ZCCHC7: variants seen among roughly 807,000 people sequenced by gnomAD.
The protein encoded by ZCCHC7 is zinc finger CCHC domain-containing protein 7.
Under a neutral mutation model 52.0 loss-of-function variants are expected in ZCCHC7, and 35 were observed. The ratio of observed to expected loss-of-function variants is 0.67; its 90% CI spans 0.51 to 0.89. ZCCHC7 has a LOEUF of 0.89. Ranked by LOEUF, ZCCHC7 falls within the 40% of genes least tolerant of loss-of-function variation. The pLI, the probability that ZCCHC7 is intolerant of heterozygous loss-of-function variation, is 0.00. For missense variants in ZCCHC7, 574 were observed against 649.1 expected (o/e 0.88, Z 1.26); for synonymous variants, 217 against 221.5 (o/e 0.98, Z 0.18).
intron 2 of ZCCHC7, among the ~76,000 whole-genome samples, chr9:37,296,968 C>T (rs576584342): frequency 1.2e-4 from 18 of 150,602 alleles, no homozygotes; most frequent in Admixed American, 4.0e-4. Flanking sequence ...CTAAGCTAGG[C>T]TCAAACAGTC....
chr9:37,217,604 G>A (rs1393785077), intron 2 of ZCCHC7, among the ~76,000 whole-genome samples: 1 of 152,078 alleles, frequency 6.6e-6, no homozygotes, highest in African/African-American at 2.4e-5. Context: ...AAAAATCCGT[G>A]TGATTATTGT....
At chr9:37,179,189 G>T (rs926941880) in intron 2 of ZCCHC7, among the ~76,000 whole-genome samples, 9 of 152,154 alleles carry the variant, frequency 5.9e-5, no homozygotes, top group South Asian at 2.1e-4. Flanking sequence ...ACTTTAAAAT[G>T]ATTTATTTAT....
intron 2 of ZCCHC7, among the ~76,000 whole-genome samples, chr9:37,219,762 G>A (rs955799371): frequency 3.9e-5 from 6 of 152,338 alleles, no homozygotes; most frequent in East Asian, 1.9e-4. Context: ...TTTAAATTGT[G>A]TAAGTCTAAA....
intron 6 of ZCCHC7, among the ~76,000 whole-genome samples, chr9:37,337,401 A>ACCCCCCCCCCCCCCCCC (rs59648311): frequency 4.3e-5 from 1 of 23,106 alleles, no homozygotes. Context: ...CTACCCACCC[A>ACCCCCCCCCCCCCCCCC]CCCCCCCCCC....
At chr9:37,348,483 G>A (rs1448667470) in intron 6 of ZCCHC7, among the ~76,000 whole-genome samples, 5 of 151,768 alleles carry the variant, frequency 3.3e-5, no homozygotes, top group Non-Finnish European at 7.4e-5. Flanking sequence ...AGGTTCAAGC[G>A]ATTCTCCTGC....
At chr9:37,227,311 A>G (rs1564190936) in intron 2 of ZCCHC7, among the ~76,000 whole-genome samples, 2 of 152,312 alleles carry the variant, frequency 1.3e-5, no homozygotes, top group East Asian at 1.9e-4. Flanking sequence ...AGATTTATAG[A>G]TATACTAAAG....
At chr9:37,189,729 G>A (rs1306146059) in intron 2 of ZCCHC7, among the ~76,000 whole-genome samples, 1 of 151,990 alleles carries the variant, frequency 6.6e-6, no homozygotes, top group Non-Finnish European at 1.5e-5. Context: ...GTTCATTCAG[G>A]TTGAAAGTTC....
chr9:37,344,436 T>G (rs1820834181), intron 6 of ZCCHC7, among the ~76,000 whole-genome samples: 1 of 152,184 alleles, frequency 6.6e-6, no homozygotes, highest in Non-Finnish European at 1.5e-5. Context: ...CTCTAGAGCC[T>G]CCTCTTTCAC....
intron 2 of ZCCHC7, among the ~76,000 whole-genome samples, chr9:37,174,507 T>G (rs1299248024): frequency 6.6e-6 from 1 of 152,174 alleles, no homozygotes; most frequent in Non-Finnish European, 1.5e-5. Flanking sequence ...TTATGTAGTG[T>G]TTTCATTAAG....
chr9:37,310,650 A>G (rs1363197277), intron 5 of ZCCHC7, among the ~76,000 whole-genome samples: 3 of 152,222 alleles, frequency 2.0e-5, no homozygotes, highest in Non-Finnish European at 4.4e-5. Flanking sequence ...ATTGGCAATC[A>G]AGGAATCATC....
chr9:37,302,781 G>T (rs1829094530), intron 3 of ZCCHC7, among the ~76,000 whole-genome samples: 1 of 152,170 alleles, frequency 6.6e-6, no homozygotes, highest in African/African-American at 2.4e-5. Flanking sequence ...TTCCTCTTTA[G>T]ATATTCCATA....
At chr9:37,326,486 TGCTTTCTATAGGAGCAGTCTACACA>T (rs199991536) in intron 5 of ZCCHC7, among the ~76,000 whole-genome samples, 7,653 of 150,670 alleles carry the variant, frequency 0.051, 626 homozygotes, top group African/African-American at 0.17. Context: ...CTGTGTAGAC[TGCTTTCTATAGGAGCAGTCTACACA>T]GCTTTCTATA....
chr9:37,298,288 C>T (rs1828878431), intron 2 of ZCCHC7, among the ~76,000 whole-genome samples: 1 of 152,174 alleles, frequency 6.6e-6, no homozygotes, highest in Non-Finnish European at 1.5e-5. Flanking sequence ...GGGTCACCCC[C>T]ATGACCTAGT....
At chr9:37,198,486 T>C (rs1191529135) in intron 2 of ZCCHC7, among the ~76,000 whole-genome samples, 1 of 152,200 alleles carries the variant, frequency 6.6e-6, no homozygotes, top group African/African-American at 2.4e-5. Context: ...TGTTATCCCT[T>C]CCTCTGAGCC....
At chr9:37,280,238 G>C (rs1016457322) in intron 2 of ZCCHC7, among the ~76,000 whole-genome samples, 1 of 152,066 alleles carries the variant, frequency 6.6e-6, no homozygotes. Flanking sequence ...AAAATTTGAC[G>C]GGATTAAAGG....
At chr9:37,162,222 A>G in intron 2 of ZCCHC7, among the ~76,000 whole-genome samples, 1 of 152,180 alleles carries the variant, frequency 6.6e-6, no homozygotes, top group Middle Eastern at 3.5e-3. Flanking sequence ...TATACATAAT[A>G]TACTATAGTA....
chr9:37,207,710 C>T (rs1003909446), intron 2 of ZCCHC7, among the ~76,000 whole-genome samples: 2 of 151,978 alleles, frequency 1.3e-5, no homozygotes, highest in African/African-American at 4.8e-5. Context: ...TGCCTACTAA[C>T]TTTTCCTTCT....
chr9:37,234,973 A>G (rs565610764), intron 2 of ZCCHC7, among the ~76,000 whole-genome samples: 1 of 152,312 alleles, frequency 6.6e-6, no homozygotes, highest in Non-Finnish European at 1.5e-5. Context: ...AATATATTCA[A>G]TTCATATTTG....
chr9:37,186,786 A>T (rs144274643), intron 2 of ZCCHC7: 110 of 503,228 alleles, frequency 2.2e-4, no homozygotes, highest in African/African-American at 2.0e-3. Context: ...TTAGGTTTTA[A>T]TTAATACATG....
Sources: allele counts gnomAD v4.1 joint callset (sites outside exome capture counted in the v4.1 genomes callset), GRCh38; gene constraint gnomAD v4.1.1; transcripts MANE v1.5; gene names NCBI Gene and HGNC (gene_info 2026-07-23, HGNC 2026-07-21).